The following KCND2 variants were observed in gnomAD, a reference collection of about 807,000 sequenced individuals.
The protein encoded by KCND2 is A-type voltage-gated potassium channel KCND2.
A neutral mutation model predicts 54.4 loss-of-function variants in KCND2; 16 were observed. That is an observed-to-expected ratio of 0.29 (90% CI 0.20 to 0.45). The LOEUF (loss-of-function observed/expected upper bound fraction) is 0.45. KCND2 is among the 20% of genes least tolerant of loss of function. The probability of loss-of-function intolerance (pLI) is 1.00; values close to 1 mark genes in which losing one functional copy is unlikely to be tolerated. For synonymous variants in KCND2, 317 were observed against 310.7 expected, an observed-to-expected ratio of 1.02 and a Z score of -0.21; for missense variants, 486 against 824.2, an observed-to-expected ratio of 0.59 and a Z score of 5.02.
intron 1 of KCND2, among the ~76,000 whole-genome samples, chr7:120,685,988 CA>C: frequency 6.6e-6 from 1 of 152,108 alleles, no homozygotes; most frequent in East Asian, 1.9e-4. Context: ...AGATCCTCCC[CA>C]CTCCCCAAAC....
chr7:120,598,755 C>G (rs532450585), intron 1 of KCND2, among the ~76,000 whole-genome samples: 61 of 152,006 alleles, frequency 4.0e-4, no homozygotes, highest in African/African-American at 1.4e-3. Context: ...ATGTTTTCTC[C>G]CAATCTGTTG....
intron 1 of KCND2, among the ~76,000 whole-genome samples, chr7:120,679,027 C>A (rs989487176): frequency 6.6e-6 from 1 of 151,560 alleles, no homozygotes; most frequent in African/African-American, 2.4e-5. Flanking sequence ...CATGATGAGG[C>A]AGTTACATTG....
At chr7:120,720,312 A>G (rs1185916115) in intron 1 of KCND2, among the ~76,000 whole-genome samples, 1 of 152,126 alleles carries the variant, frequency 6.6e-6, no homozygotes, top group Non-Finnish European at 1.5e-5. Context: ...TCTGCTTTTA[A>G]GGGGAGGGCT....
chr7:120,510,028 G>C (rs1318206960), intron 1 of KCND2, among the ~76,000 whole-genome samples: 1 of 151,984 alleles, frequency 6.6e-6, no homozygotes, highest in East Asian at 1.9e-4. Context: ...GTCATTTCTT[G>C]TGCTTCAGTA....
intron 1 of KCND2, among the ~76,000 whole-genome samples, chr7:120,704,317 A>G (rs934065337): frequency 7.2e-5 from 11 of 152,198 alleles, no homozygotes; most frequent in African/African-American, 2.2e-4. Flanking sequence ...TGGATGATAC[A>G]TTATTCAGGA....
intron 1 of KCND2, among the ~76,000 whole-genome samples, chr7:120,668,143 G>A (rs1440488956): frequency 6.6e-6 from 1 of 151,958 alleles, no homozygotes; most frequent in African/African-American, 2.4e-5. Flanking sequence ...CTGGGACAAG[G>A]TTGCGCATTT....
intron 1 of KCND2, among the ~76,000 whole-genome samples, chr7:120,390,896 CTT>C (rs1801064343): frequency 6.6e-6 from 1 of 151,906 alleles, no homozygotes; most frequent in African/African-American, 2.4e-5. Context: ...TTTTATTGCA[CTT>C]TTAAATTTTT....
In KCND2 at chr7:120,402,442, C is replaced by CT. The variant is rs952319035; in HGVS notation, c.1115+126703dup. Among the ~76,000 whole-genome samples the CT allele has an allele frequency of 2.8e-4, 42 of 152,074 alleles. 1 individual carries two copies. Among genetic ancestry groups the CT allele is most frequent in the South Asian group, 4.2e-4 (2 of 4,812 alleles). On this transcript the variant is annotated intron_variant, in intron 1 of 5. Coordinates refer to ENST00000331113, the MANE Select transcript of KCND2 (RefSeq NM_012281.3). Reference sequence around the variant, plus strand: ...GTGTTGTTGTTTTTAATTTTTTTAACTTTTTTTTCTCAGTTGAAGCAGGCG... The same window carrying CT: ...GTGTTGTTGTTTTTAATTTTTTTAACTTTTTTTTTCTCAGTTGAAGCAGGCG...
chr7:120,494,472 TGTAG>T (rs1212478868), intron 1 of KCND2, among the ~76,000 whole-genome samples: 2 of 152,144 alleles, frequency 1.3e-5, no homozygotes, highest in Admixed American at 6.6e-5. Context: ...AAAAGCTATG[TGTAG>T]GTCAGACTAA....
intron 2 of KCND2, among the ~76,000 whole-genome samples, chr7:120,738,926 C>T (rs562018337): frequency 2.6e-5 from 4 of 151,842 alleles, no homozygotes; most frequent in African/African-American, 9.6e-5. Flanking sequence ...AACCAATTAA[C>T]TCCTATGGAA....
At position 120,451,311 on chromosome 7, in the gene KCND2, A is replaced by AAT. The variant is rs1554440936; in HGVS notation, c.1115+175575_1115+175576dup. ...TGCTAGGAAGCACGAGTTATTAAAA[A>AAT]ATATATATATATTAAGAATAACTCT... is the stretch of plus-strand genomic sequence containing the variant. On this transcript the variant is annotated intron_variant, in intron 1 of 5. Transcript: ENST00000331113. Among the ~76,000 whole-genome samples, 25 of 152,206 alleles carry AAT rather than the reference A, an allele frequency of 1.6e-4. No individual in the cohort carries two copies. The South Asian group carries it at 1.9e-3, about 11-fold the overall frequency.
intron 1 of KCND2, among the ~76,000 whole-genome samples, chr7:120,407,917 A>G (rs555601235): frequency 6.6e-6 from 1 of 151,988 alleles, no homozygotes; most frequent in East Asian, 1.9e-4. Flanking sequence ...TTTGCACTTT[A>G]TTGTGTAGGT....
At chr7:120,552,751 C>T (rs1792118176) in intron 1 of KCND2, among the ~76,000 whole-genome samples, 1 of 152,154 alleles carries the variant, frequency 6.6e-6, no homozygotes, top group African/African-American at 2.4e-5. Context: ...CCTGCATACA[C>T]CTGCAATTTC....
At chr7:120,635,623 T>C (rs557157573) in intron 1 of KCND2, among the ~76,000 whole-genome samples, 2 of 152,338 alleles carry the variant, frequency 1.3e-5, no homozygotes, top group East Asian at 3.9e-4. Flanking sequence ...AAGGAATGTT[T>C]CCATCTTTTA....
intron 1 of KCND2, among the ~76,000 whole-genome samples, chr7:120,294,810 G>A (rs1474661889): frequency 6.6e-6 from 1 of 151,502 alleles, no homozygotes; most frequent in Non-Finnish European, 1.5e-5. Flanking sequence ...ATAAAGATAT[G>A]TACATACACA....
At chr7:120,396,292 ACT>A (rs1801155105) in intron 1 of KCND2, among the ~76,000 whole-genome samples, 1 of 151,806 alleles carries the variant, frequency 6.6e-6, no homozygotes, top group African/African-American at 2.4e-5. Flanking sequence ...AATATGTGAG[ACT>A]CTGTAGAACT....
Position 120,369,184 on chromosome 7 carries a change from AT to A in KCND2, c.1115+93443del, listed in dbSNP as rs1800729470. Among the ~76,000 whole-genome samples the A allele has an allele frequency of 3.3e-5, 5 of 151,948 alleles. No individual in the cohort carries two copies. The South Asian group carries it at 8.3e-4, about 25-fold the overall frequency. ...ACAAGCATAAAAGTTTCAAATTAAT[AT>A]TTTTTAGGATCATCTCAAAGTGTCA... is the stretch of plus-strand genomic sequence containing the variant. On this transcript the variant is annotated intron_variant, in intron 1 of 5. Coordinates refer to ENST00000331113, the MANE Select transcript of KCND2 (RefSeq NM_012281.3).
chr7:120,632,626 A>C (rs909393387), intron 1 of KCND2, among the ~76,000 whole-genome samples: 1 of 152,222 alleles, frequency 6.6e-6, no homozygotes. Context: ...TTTACTAAAA[A>C]ATAATAAGCA....
At chr7:120,516,018 T>C (rs866319331) in intron 1 of KCND2, among the ~76,000 whole-genome samples, 3 of 152,230 alleles carry the variant, frequency 2.0e-5, no homozygotes, top group Admixed American at 2.0e-4. Flanking sequence ...TTTCTTCTGA[T>C]GTAGTCTTCT....
Sources: allele counts gnomAD v4.1 joint callset (sites outside exome capture counted in the v4.1 genomes callset), GRCh38; gene constraint gnomAD v4.1.1; transcripts MANE v1.5; gene names NCBI Gene and HGNC (gene_info 2026-07-23, HGNC 2026-07-21).